Variants in CENPE observed in about 807,000 individuals in gnomAD.
CENPE encodes the protein centromere-associated protein E.
Under a neutral mutation model 336.1 loss-of-function variants are expected in CENPE, and 145 were observed. The observed-to-expected ratio is 0.43, with a 90% CI of 0.38 to 0.50. The LOEUF is 0.50. Ranked by LOEUF, CENPE falls within the 20% of genes least tolerant of loss-of-function variation. The pLI, the probability that CENPE is intolerant of heterozygous loss-of-function variation, is 0.00. For synonymous variants in CENPE, 1,013 were observed against 984.8 expected, an observed-to-expected ratio of 1.03 and a Z score of -0.54; for missense variants, 2,719 against 3,023.3, an observed-to-expected ratio of 0.90 and a Z score of 2.36.
At chr4:103,119,403 G>A (rs1750414744) in intron 44 of CENPE, among the ~76,000 whole-genome samples, 1 of 152,094 alleles carries the variant, frequency 6.6e-6, no homozygotes, top group Admixed American at 6.5e-5. Context: ...AAACTTTACA[G>A]TTGAATTTTT....
Position 103,180,439 on chromosome 4 carries a change from C to G in CENPE, c.1114G>C (p.Glu372Gln), listed in dbSNP as rs1455521630. The change falls in exon 13 of 49, where the codon GAA (glutamate) becomes CAA (glutamine). Residue 372 changes from glutamate (E) to glutamine (Q), a missense_variant. Glu to Gln is a conservative substitution (Grantham distance 29). Around this residue, in one of 5 missense-constraint regions of CENPE, gnomAD observed 117 missense variants for 215.8 expected, o/e 0.54. Transcript: ENST00000265148. ...VSLETRAQAM[E>Q]KDQLAQLLEE... ...AAAAGTTGGGCCAATTGGTCTTTTT[C>G]CATTGCCTGAGCCCGCGTCTCTAAA... 6 of 1,612,288 alleles carry G rather than the reference C, an allele frequency of 3.7e-6. No homozygotes were observed. In the East Asian group the frequency reaches 1.3e-4, roughly 36 times the overall value.
chr4:103,138,058 T>G (rs1342178330), intron 39 of CENPE, among the ~76,000 whole-genome samples: 2 of 152,200 alleles, frequency 1.3e-5, no homozygotes, highest in Non-Finnish European at 2.9e-5. Flanking sequence ...CGCTGTTCCC[T>G]TTGCCTATAA....
At chr4:103,161,010 T>C in intron 20 of CENPE, 76 bp downstream of exon 20, 1 of 1,243,686 alleles carries the variant, frequency 8.0e-7, no homozygotes, top group Non-Finnish European at 1.1e-6. Context: ...ATCATTGAAA[T>C]ATGCTTGTCA....
chr4:103,177,202 A>G (rs1186065841), intron 13 of CENPE, among the ~76,000 whole-genome samples, 156 bp from the exon 14 acceptor site: 25 of 152,128 alleles, frequency 1.6e-4, no homozygotes, highest in Admixed American at 1.6e-3. Context: ...TGCTTAAAAA[A>G]AAAATCAAAC....
intron 14 of CENPE, 37 bp from the exon 15 acceptor site, chr4:103,176,085 T>C: frequency 7.8e-7 from 1 of 1,282,466 alleles, no homozygotes; most frequent in Non-Finnish European, 1.1e-6. Flanking sequence ...TCCATGAACA[T>C]GTTTACCAAA....
rs1754181773 is a variant in CENPE at position 103,158,857 on chromosome 4, C to T, written c.2631G>A (p.Glu877=). The change falls in exon 23 of 49, where the codon GAG becomes GAA. Residue 877 remains glutamate (E), a synonymous_variant. Transcript: ENST00000265148. ...GTCTTTCTTGAACCTCACGTGTTTT[C>T]TCCTGAAGTTCTTGGGTCTTGTAAG... ...ELSYKTQELQ[E]KTREVQERLN... 2 of 1,603,188 alleles carry T rather than the reference C, an allele frequency of 1.2e-6. No individual in the cohort carries two copies. Among genetic ancestry groups the T allele is most frequent in the Non-Finnish European group, 1.7e-6 (2 of 1,177,210 alleles).
chr4:103,143,855 A>G (rs185243360), intron 33 of CENPE, among the ~76,000 whole-genome samples: 130 of 152,344 alleles, frequency 8.5e-4, no homozygotes, highest in African/African-American at 3.1e-3. Flanking sequence ...AAACCTTTGG[A>G]AAAATTTGGA....
intron 44 of CENPE, among the ~76,000 whole-genome samples, chr4:103,119,784 G>T (rs1209900661): frequency 6.6e-6 from 1 of 152,056 alleles, no homozygotes; most frequent in Non-Finnish European, 1.5e-5. Flanking sequence ...GGGATATCAG[G>T]TGGGACTCAG....
At chr4:103,185,773 G>C (rs1397044155) in intron 9 of CENPE, 37 bp downstream of exon 9, 1 of 1,455,496 alleles carries the variant, frequency 6.9e-7, no homozygotes, top group Non-Finnish European at 9.4e-7. Flanking sequence ...AAAATAGGAA[G>C]ACATTAAGAC....
At position 103,195,155 on chromosome 4, in the gene CENPE, T is replaced by G. The variant is rs199542061; in HGVS notation, c.436A>C (p.Thr146Pro). The G allele has an allele frequency of 4.1e-5, 66 of 1,593,634 alleles. No homozygotes were observed. In the South Asian group the frequency reaches 7.3e-4, roughly 18 times the overall value. ...NETITDLLCG[T>P]QKMKPLIIRE... ...ATAATTAAAGGTTTCATTTTTTGAG[T>G]GCCACAGAGTAAATCTGTAATGGTT... The change falls in exon 5 of 49, where the codon ACT (threonine) becomes CCT (proline). Residue 146 changes from threonine (T) to proline (P), a missense_variant. By Grantham distance (38) the Thr-to-Pro change is conservative. Transcript: ENST00000265148.
At position 103,139,794 on chromosome 4, in the gene CENPE, C is replaced by A; in HGVS notation, c.6199G>T (p.Ala2067Ser). 1 of 1,603,666 alleles carries A rather than the reference C, an allele frequency of 6.2e-7. No homozygotes were observed. The highest frequency in any genetic ancestry group is 1.7e-5 in the Admixed American group (1 of 58,352). ...QFIATLREMI[A>S]RDRQNHQVKP... ...AAGGAAGACTCTGAACTCACTCTAG[C>A]TATCATTTCCCTTAAGGTTGCTATG... Residue 2067 changes from alanine (A) to serine (S), a missense_variant, in exon 38 of 49, where the codon GCT becomes TCT. By Grantham distance (99) the Ala-to-Ser change is moderately conservative (BLOSUM62 1). Around this residue, in one of 5 missense-constraint regions of CENPE, gnomAD observed 2,437 missense variants for 2,513.3 expected, o/e 0.97. Coordinates refer to ENST00000265148, the MANE Select transcript of CENPE (RefSeq NM_001813.3).
chr4:103,193,204 A>G (rs576557353), intron 8 of CENPE, among the ~76,000 whole-genome samples: 1 of 152,242 alleles, frequency 6.6e-6, no homozygotes, highest in South Asian at 2.1e-4. Flanking sequence ...TGCCAAGAGT[A>G]TTAAAGCTAA....
chr4:103,153,534 C>A (rs1037594578), intron 24 of CENPE, among the ~76,000 whole-genome samples: 6 of 152,178 alleles, frequency 3.9e-5, no homozygotes, highest in African/African-American at 1.4e-4. Context: ...GCTCTTACGT[C>A]TGTTCACTAA....
intron 45 of CENPE, 125 bp downstream of exon 45, chr4:103,116,452 A>T (rs555142324): frequency 7.4e-5 from 38 of 516,902 alleles, no homozygotes; most frequent in African/African-American, 4.0e-5. Flanking sequence ...GTACATTTTT[A>T]AAAAAAGAGC....
chr4:103,134,947 G>A (rs1199121864), intron 40 of CENPE, among the ~76,000 whole-genome samples: 4 of 152,178 alleles, frequency 2.6e-5, no homozygotes, highest in Admixed American at 6.5e-5. Flanking sequence ...ACCACATTGA[G>A]AGAATATCTT....
intron 26 of CENPE, among the ~76,000 whole-genome samples, chr4:103,149,663 C>T (rs540235807): frequency 7.9e-5 from 12 of 152,224 alleles, no homozygotes; most frequent in Admixed American, 4.6e-4. Context: ...AGGATTGAGA[C>T]GTGATCCTAC....
chr4:103,121,419 G>C (rs552744487), intron 43 of CENPE, among the ~76,000 whole-genome samples: 2 of 152,104 alleles, frequency 1.3e-5, no homozygotes, highest in South Asian at 4.2e-4. Flanking sequence ...AAAATGTCTG[G>C]ATTTTTGGGG....
Position 103,180,430 on chromosome 4 carries a change from G to C in CENPE, c.1123C>G (p.Gln375Glu), listed in dbSNP as rs1364660536. The C allele has an allele frequency of 8.1e-6, 13 of 1,611,954 alleles. No individual in the cohort carries two copies. Among genetic ancestry groups the C allele is most frequent in the Non-Finnish European group, 9.3e-6 (11 of 1,178,856 alleles). The change falls in exon 13 of 49, where the codon CAA becomes GAA. Residue 375 changes from glutamine to glutamate, a missense_variant. Transcript: ENST00000265148. ...ETRAQAMEKDQLAQLLEEKDL... is the reference protein window; with the variant it reads ...ETRAQAMEKDELAQLLEEKDL... ...TTTTCTTCCAAAAGTTGGGCCAATT[G>C]GTCTTTTTCCATTGCCTGAGCCCGC...
chr4:103,151,511 A>G (rs1753570619), intron 25 of CENPE, 134 bp from the exon 26 acceptor site: 4 of 615,354 alleles, frequency 6.5e-6, no homozygotes, highest in Non-Finnish European at 1.0e-5. Flanking sequence ...ACAAATTTCA[A>G]AAAAGAAAGT....
Sources: allele counts gnomAD v4.1 joint callset (sites outside exome capture counted in the v4.1 genomes callset), GRCh38; gene constraint gnomAD v4.1.1; regional missense constraint gnomAD v4.1.1; transcripts MANE v1.5; gene names NCBI Gene and HGNC (gene_info 2026-07-23, HGNC 2026-07-21).